Variants in ARSJ observed in about 807,000 individuals in gnomAD.
ARSJ encodes the protein arylsulfatase J.
Under a neutral mutation model 35.9 loss-of-function variants are expected in ARSJ, and 26 were observed. The ratio of observed to expected loss-of-function variants is 0.72; its 90% CI spans 0.53 to 1.00. The LOEUF is 1.00. Among genes scored for constraint, ARSJ ranks in the 50% least tolerant of loss-of-function variants. The pLI is 0.00. For synonymous variants in ARSJ, 294 were observed against 267.6 expected (o/e 1.10, Z -0.96); for missense variants, 667 against 723.6 (o/e 0.92, Z 0.90).
At chr4:113,954,169 C>A (rs1429437805) in intron 1 of ARSJ, among the ~76,000 whole-genome samples, 4 of 151,922 alleles carry the variant, frequency 2.6e-5, no homozygotes, top group African/African-American at 9.7e-5. Flanking sequence ...TGAATATATC[C>A]ATTACATATC....
At chr4:113,945,455 C>G (rs1400934215) in intron 1 of ARSJ, among the ~76,000 whole-genome samples, 3 of 152,008 alleles carry the variant, frequency 2.0e-5, no homozygotes, top group Non-Finnish European at 4.4e-5. Flanking sequence ...GGTGTCTCTT[C>G]AAATGCTAAT....
intron 1 of ARSJ, among the ~76,000 whole-genome samples, chr4:113,940,838 C>T (rs1725113987): frequency 6.6e-6 from 1 of 151,678 alleles, no homozygotes; most frequent in South Asian, 2.1e-4. Flanking sequence ...AATTTTTTTA[C>T]AGGCAACATG....
rs184024349 is a variant in ARSJ at position 113,957,220 on chromosome 4, C to T, written c.398+21217G>A. On this transcript the variant is annotated intron_variant, in intron 1 of 1. Transcript: ENST00000315366. Reference sequence around the variant, plus strand: ...GGAATAAAGGCTTCAATGTGATGTCCGATGTCTTAGGATGGTGACAGTTCT... The same window carrying T: ...GGAATAAAGGCTTCAATGTGATGTCTGATGTCTTAGGATGGTGACAGTTCT... Among the ~76,000 whole-genome samples the T allele has an allele frequency of 4.6e-3, 693 of 152,064 alleles. 7 individuals carry two copies. The highest frequency in any genetic ancestry group is 0.016 in the African/African-American group (660 of 41,502).
intron 1 of ARSJ, among the ~76,000 whole-genome samples, chr4:113,946,934 A>G (rs1164308527): frequency 6.6e-6 from 1 of 152,114 alleles, no homozygotes; most frequent in African/African-American, 2.4e-5. Context: ...CAGGTTATGT[A>G]TATAATTTAG....
At chr4:113,946,866 T>A (rs1378311517) in intron 1 of ARSJ, among the ~76,000 whole-genome samples, 3 of 152,128 alleles carry the variant, frequency 2.0e-5, no homozygotes, top group African/African-American at 7.2e-5. Flanking sequence ...CCTTATTTTC[T>A]CTTCTAAAAT....
intron 1 of ARSJ, among the ~76,000 whole-genome samples, chr4:113,914,635 G>A (rs11943610): frequency 0.71 from 107,018 of 151,590 alleles, 38,568 homozygotes; most frequent in East Asian, 0.81. Context: ...ACATATCAGT[G>A]TCTTAGCTGC....
At chr4:113,978,027 C>T (rs1727696821) in intron 1 of ARSJ, among the ~76,000 whole-genome samples, 1 of 152,080 alleles carries the variant, frequency 6.6e-6, no homozygotes, top group Admixed American at 6.5e-5. Flanking sequence ...TAAGAATGCA[C>T]CAAGAGTAAA....
intron 1 of ARSJ, among the ~76,000 whole-genome samples, chr4:113,957,372 A>C (rs539532381): frequency 6.6e-6 from 1 of 152,136 alleles, no homozygotes; most frequent in African/African-American, 2.4e-5. Context: ...CTGAGAAAAA[A>C]ATAGAAAGAA....
At position 113,900,560 on chromosome 4, in the gene ARSJ, A is replaced by T. The variant is rs1174536699; in HGVS notation, c.*1714T>A. ...AGTTGTGATATAAATGGATTATATC[A>T]CAGTCCTTTGAGCTGTGATGTAAAT... On this transcript the variant is annotated 3_prime_UTR_variant, in exon 2 of 2. Coordinates refer to ENST00000315366, the MANE Select transcript of ARSJ (RefSeq NM_024590.4). The T allele has an allele frequency of 6.6e-6, 1 of 152,156 alleles. No individual in the cohort carries two copies. The highest frequency in any genetic ancestry group is 2.4e-5 in the African/African-American group (1 of 41,442). The allele number at this position is 152,156 out of a possible 1,614,324, so 9.4% of individuals were successfully genotyped here.
At chr4:113,942,942 A>G (rs1283992956) in intron 1 of ARSJ, among the ~76,000 whole-genome samples, 1 of 152,062 alleles carries the variant, frequency 6.6e-6, no homozygotes, top group Non-Finnish European at 1.5e-5. Flanking sequence ...AACAACTTGC[A>G]GTGCAAAACA....
At chr4:113,937,164 T>C (rs1347864667) in intron 1 of ARSJ, among the ~76,000 whole-genome samples, 1 of 151,940 alleles carries the variant, frequency 6.6e-6, no homozygotes, top group Non-Finnish European at 1.5e-5. Context: ...CAATATCTGC[T>C]CTATGCAAGG....
chr4:113,950,698 A>G (rs1175922240), intron 1 of ARSJ, among the ~76,000 whole-genome samples: 1 of 152,108 alleles, frequency 6.6e-6, no homozygotes, highest in Non-Finnish European at 1.5e-5. Flanking sequence ...TTAAAATATT[A>G]CACATCAGCC....
intron 1 of ARSJ, among the ~76,000 whole-genome samples, chr4:113,956,343 T>G (rs1055262046): frequency 1.3e-5 from 2 of 152,076 alleles, no homozygotes; most frequent in African/African-American, 4.8e-5. Context: ...GTTAATCACT[T>G]AACAGGAAGA....
intron 1 of ARSJ, among the ~76,000 whole-genome samples, chr4:113,955,687 A>G (rs1222354151): frequency 1.3e-5 from 2 of 152,050 alleles, no homozygotes; most frequent in South Asian, 2.1e-4. Context: ...ATCCTCTTTT[A>G]TAGCTCAGGA....
chr4:113,905,782 C>T (rs1167763734), intron 1 of ARSJ, among the ~76,000 whole-genome samples: 1 of 148,938 alleles, frequency 6.7e-6, no homozygotes, highest in Non-Finnish European at 1.5e-5. Context: ...ATTCTCCTGC[C>T]TCAGCCACCC....
intron 1 of ARSJ, among the ~76,000 whole-genome samples, chr4:113,958,327 A>T (rs1346611621): frequency 6.6e-6 from 1 of 152,122 alleles, no homozygotes; most frequent in Non-Finnish European, 1.5e-5. Context: ...AGTCGAATTA[A>T]GGACAGAGGT....
At chr4:113,964,079 T>C (rs1440648687) in intron 1 of ARSJ, among the ~76,000 whole-genome samples, 1 of 152,088 alleles carries the variant, frequency 6.6e-6, no homozygotes, top group Non-Finnish European at 1.5e-5. Flanking sequence ...AACCATTGAA[T>C]TATTTTAATT....
At chr4:113,930,920 C>G (rs1021823574) in intron 1 of ARSJ, among the ~76,000 whole-genome samples, 3 of 148,642 alleles carry the variant, frequency 2.0e-5, no homozygotes, top group Non-Finnish European at 4.4e-5. Flanking sequence ...TAAACTATCG[C>G]AAGAACAAAA....
chr4:113,900,684 A>G lies in ARSJ; in HGVS notation c.*1590T>C, dbSNP rs570467437. The G allele has an allele frequency of 6.6e-6, 1 of 152,356 alleles. No individual in the cohort carries two copies. Among genetic ancestry groups the G allele is most frequent in the Admixed American group, 6.5e-5 (1 of 15,306 alleles). 9.4% of individuals were successfully genotyped at this position (152,356 alleles called of 1,614,324 possible). On this transcript the variant is annotated 3_prime_UTR_variant, in exon 2 of 2. Transcript: ENST00000315366. ...TAGCTATCTGTGACTTTTCAAGTGT[A>G]TACTGTAAGCTTCAAGGCCTCTGCA...
Sources: gnomAD v4.1 joint callset for allele counts (sites outside exome capture counted in the v4.1 genomes callset) on GRCh38, gnomAD v4.1.1 for gene constraint, MANE v1.5 for transcripts, NCBI Gene and HGNC (gene_info 2026-07-23, HGNC 2026-07-21) for gene names.